Variants in TBX4 observed in about 807,000 individuals in gnomAD.
TBX4 encodes T-box transcription factor 4, also known as T-box transcription factor TBX4.
Under a neutral mutation model 54.6 loss-of-function variants are expected in TBX4, and 13 were observed. The ratio of observed to expected loss-of-function variants is 0.24; its 90% CI spans 0.15 to 0.38. The LOEUF is 0.38. TBX4 is among the 10% of genes least tolerant of loss of function. The probability of loss-of-function intolerance (pLI) is 1.00; values close to 1 mark genes in which losing one functional copy is unlikely to be tolerated. For missense variants in TBX4, 631 were observed against 728.5 expected, an observed-to-expected ratio of 0.87 and a Z score of 1.54; for synonymous variants, 314 against 306.7, an observed-to-expected ratio of 1.02 and a Z score of -0.25.
chr17:61,469,666 C>T (rs570958572), intron 5 of TBX4, among the ~76,000 whole-genome samples: 24 of 152,204 alleles, frequency 1.6e-4, no homozygotes, highest in Admixed American at 2.0e-4. Flanking sequence ...ACCCAGGGCT[C>T]TCGCTGCGGT....
chr17:61,464,973 T>C lies in TBX4; in HGVS notation c.282-846T>C, dbSNP rs2060524388. The stretch of plus-strand genomic sequence containing the variant: ...GAGGGAGGAGTGCAGCAGGGGTCCG[T>C]GGTAATTCACGCAGCAATCTATGAG... On this transcript the variant is annotated intron_variant, in intron 3 of 8. Coordinates refer to ENST00000644296, the MANE Select transcript of TBX4 (RefSeq NM_001321120.2). The surrounding 1 kb of genome is among the most constrained non-coding windows in gnomAD (Gnocchi z 5.8). Among the ~76,000 whole-genome samples, 1 of 152,150 alleles carries C rather than the reference T, an allele frequency of 6.6e-6. No individual in the cohort carries two copies. The highest frequency in any genetic ancestry group is 2.4e-5 in the African/African-American group (1 of 41,418).
chr17:61,469,684 C>T (rs2143830776), intron 5 of TBX4, among the ~76,000 whole-genome samples: 1 of 152,326 alleles, frequency 6.6e-6, no homozygotes, highest in South Asian at 2.1e-4. Context: ...GGTATCTTCA[C>T]CTATTTAGAG....
Position 61,483,214 on chromosome 17 carries a change from T to G in TBX4, c.1339T>G (p.Phe447Val), listed in dbSNP as rs1176027577. The G allele has an allele frequency of 6.2e-7, 1 of 1,614,006 alleles. No homozygotes were observed. The highest frequency in any genetic ancestry group is 8.5e-7 in the Non-Finnish European group (1 of 1,180,026). Residue 447 changes from phenylalanine to valine, a missense_variant, in exon 9 of 9, where the codon TTC (phenylalanine) becomes GTC (valine). Transcript: ENST00000644296. This position sits in a 1 kb window ranked among gnomAD's most constrained non-coding sequence, Gnocchi z 6.6. The part of the protein sequence containing the change: ...TVPYQPFPTH[F>V]TATTMMPRLP... ...GCCGTACCAGCCCTTCCCCACGCAC[T>G]TCACCGCCACCACCATGATGCCGCG...
At chr17:61,482,490 C>T (rs2060670210) in intron 8 of TBX4, among the ~76,000 whole-genome samples, 1 of 152,262 alleles carries the variant, frequency 6.6e-6, no homozygotes, top group South Asian at 2.1e-4. Flanking sequence ...CTGGCTACTT[C>T]AGACAGATGT....
At position 61,459,317 on chromosome 17, in the gene TBX4, A is replaced by T. The variant is rs1483979783; in HGVS notation, c.281+1686A>T. The stretch of plus-strand genomic sequence containing the variant: ...TCCCTTCCTTTTCTATCACTGTGAA[A>T]CTCAAACCAGGGAATCACGTGGATG... On this transcript the variant is annotated intron_variant, in intron 3 of 8. Coordinates refer to ENST00000644296, the MANE Select transcript of TBX4 (RefSeq NM_001321120.2). The surrounding 1 kb of genome is among the most constrained non-coding windows in gnomAD (Gnocchi z 4.8). Among the ~76,000 whole-genome samples the T allele has an allele frequency of 5.3e-5, 8 of 152,240 alleles. No homozygotes were observed. Among genetic ancestry groups the T allele is most frequent in the African/African-American group, 1.9e-4 (8 of 41,530 alleles).
rs1217117884 is a variant in TBX4, at chr17:61,461,369, A to T, written c.281+3738A>T. Among the ~76,000 whole-genome samples, 1 of 152,222 alleles carries T rather than the reference A, an allele frequency of 6.6e-6. No individual in the cohort carries two copies. Among genetic ancestry groups the T allele is most frequent in the Non-Finnish European group, 1.5e-5 (1 of 68,032 alleles). ...GCTACAGAAGGCTTGGTCTCAGTGT[A>T]GGTGGCACCAGCAGCCCCACTCCTA... is the stretch of plus-strand genomic sequence containing the variant. On this transcript the variant is annotated intron_variant, in intron 3 of 8. Transcript: ENST00000644296. This position sits in a 1 kb window ranked among gnomAD's most constrained non-coding sequence, Gnocchi z 5.1.
rs764541165 is a variant in TBX4 at position 61,460,444 on chromosome 17, C to T, written c.281+2813C>T. On this transcript the variant is annotated intron_variant, in intron 3 of 8. Coordinates refer to ENST00000644296, the MANE Select transcript of TBX4 (RefSeq NM_001321120.2). The surrounding 1 kb of genome is among the most constrained non-coding windows in gnomAD (Gnocchi z 4.4). The stretch of plus-strand genomic sequence containing the variant: ...GGTTGACAGAGAGAAGAATCCCTTT[C>T]ACTGGATAGTGACTTTGAACTGCCA... Among the ~76,000 whole-genome samples the T allele has an allele frequency of 6.6e-6, 1 of 152,198 alleles. No individual in the cohort carries two copies. The highest frequency in any genetic ancestry group is 1.5e-5 in the Non-Finnish European group (1 of 68,044).
rs572431063 is a variant in TBX4 at position 61,460,617 on chromosome 17, C to T, written c.281+2986C>T. On this transcript the variant is annotated intron_variant, in intron 3 of 8. Transcript: ENST00000644296. This position sits in a 1 kb window ranked among gnomAD's most constrained non-coding sequence, Gnocchi z 4.4. ...CTTGGGTCTCTGTGTCCAGAGGGTT[C>T]GTGCTGATAGCCGCAGACAGCAGAT... 5.9e-5 allele frequency among the ~76,000 whole-genome samples: 9 copies of T among 152,290 alleles called. No homozygotes were observed. In the South Asian group the frequency reaches 1.5e-3, roughly 25 times the overall value.
In TBX4 at chr17:61,483,522, A is replaced by C; in HGVS notation, c.*6A>C. 6.2e-7 allele frequency: 1 copy of C among 1,613,840 alleles called. No individual in the cohort carries two copies. The highest frequency in any genetic ancestry group is 8.5e-7 in the Non-Finnish European group (1 of 1,179,982). On this transcript the variant is annotated 3_prime_UTR_variant, in exon 9 of 9. Transcript: ENST00000644296. The surrounding 1 kb of genome is among the most constrained non-coding windows in gnomAD (Gnocchi z 6.6). ...AGAACTGGACTGACGGATGACTCTC[A>C]CGTCTCCTCCATAGCCCCGGGACCG...
In TBX4 at chr17:61,456,461, G is replaced by A. The variant is rs1281668648; in HGVS notation, c.-3-27G>A. 4 of 1,555,800 alleles carry A rather than the reference G, an allele frequency of 2.6e-6. No individual in the cohort carries two copies. In the African/African-American group the frequency reaches 5.4e-5, roughly 21 times the overall value. ...CTCTGGCGAGTGTGGACCTGGGCGA[G>A]TGACTCGTTGTGTGCTGTGCCCGCA... On this transcript the variant is annotated intron_variant, in intron 1 of 8. Transcript: ENST00000644296.
chr17:61,472,655 G>A lies in TBX4; in HGVS notation c.549+4998G>A, dbSNP rs1226196770. Among the ~76,000 whole-genome samples the A allele has an allele frequency of 6.6e-6, 1 of 152,130 alleles. No individual in the cohort carries two copies. Among genetic ancestry groups the A allele is most frequent in the Non-Finnish European group, 1.5e-5 (1 of 68,008 alleles). ...CTTTTCCTTATAGATTTTGGATTTT[G>A]AGTTATTGAAAGCCCTAACCCCCCT... On this transcript the variant is annotated intron_variant, in intron 5 of 8. Transcript: ENST00000644296. The surrounding 1 kb of genome is among the most constrained non-coding windows in gnomAD (Gnocchi z 4.5).
intron 4 of TBX4, among the ~76,000 whole-genome samples, chr17:61,466,935 G>A (rs2060541453): frequency 6.6e-6 from 1 of 152,158 alleles, no homozygotes; most frequent in Non-Finnish European, 1.5e-5. Context: ...GCAGGAGGAT[G>A]ACTTGAAGGT....
intron 1 of TBX4, among the ~76,000 whole-genome samples, chr17:61,453,293 A>T (rs191430069): frequency 6.6e-6 from 1 of 152,222 alleles, no homozygotes; most frequent in Non-Finnish European, 1.5e-5. Flanking sequence ...CTAATATAAC[A>T]TATAGTAATA....
Position 61,479,798 on chromosome 17 carries a change from GT to G in TBX4, c.703-81del. On this transcript the variant is annotated intron_variant, in intron 6 of 8. Transcript: ENST00000644296. The surrounding 1 kb of genome is among the most constrained non-coding windows in gnomAD (Gnocchi z 6.1). ...GACCCCTGAGGGAGGGAGGTTACAT[GT>G]TATGATCCCATTTACAAATGTGGAA... The G allele has an allele frequency of 7.1e-7, 1 of 1,405,888 alleles. No individual in the cohort carries two copies. The highest frequency in any genetic ancestry group is 1.0e-6 in the Non-Finnish European group (1 of 990,584). 87.1% of individuals were successfully genotyped at this position (1,405,888 alleles called of 1,614,324 possible). A position where few individuals can be genotyped will look rare whatever the true frequency, so the allele number is the denominator to read the frequency against.
intron 1 of TBX4, among the ~76,000 whole-genome samples, chr17:61,453,741 G>C (rs150765741): frequency 3.5e-4 from 54 of 152,332 alleles, no homozygotes; most frequent in African/African-American, 1.2e-3. Flanking sequence ...ACAAGATACT[G>C]TCGGGGTGTG....
At chr17:61,467,798 G>C in intron 5 of TBX4, 141 bp downstream of exon 5, 1 of 1,078,474 alleles carries the variant, frequency 9.3e-7, no homozygotes, top group Non-Finnish European at 1.3e-6. Flanking sequence ...TAGGGAAGGA[G>C]CTCAAGCCTC....
rs2060640877 is a variant in TBX4 at position 61,478,799 on chromosome 17, G to A, written c.702+20G>A. On this transcript the variant is annotated intron_variant, in intron 6 of 8. Coordinates refer to ENST00000644296, the MANE Select transcript of TBX4 (RefSeq NM_001321120.2). This position sits in a 1 kb window ranked among gnomAD's most constrained non-coding sequence, Gnocchi z 7.4. ...CACAAGGTACAGCCACTGCCCCACT[G>A]CCCCACAGCCCCACTTAACACCACC... is the stretch of plus-strand genomic sequence containing the variant. 1 of 1,613,900 alleles carries A rather than the reference G, an allele frequency of 6.2e-7. No homozygotes were observed. Among genetic ancestry groups the A allele is most frequent in the African/African-American group, 1.3e-5 (1 of 74,874 alleles).
At chr17:61,477,941 C>CAAAAAAAAAAAA (rs10617980) in intron 5 of TBX4, among the ~76,000 whole-genome samples, 15 of 88,496 alleles carry the variant, frequency 1.7e-4, no homozygotes, top group South Asian at 4.1e-4. Context: ...GATTCCATCT[C>CAAAAAAAAAAAA]AAAAAAAAAA....
rs1002483037 is a variant in TBX4 at position 61,479,206 on chromosome 17, C to T, written c.702+427C>T. 6.6e-6 allele frequency among the ~76,000 whole-genome samples: 1 copy of T among 152,106 alleles called. No individual in the cohort carries two copies. Among genetic ancestry groups the T allele is most frequent in the African/African-American group, 2.4e-5 (1 of 41,416 alleles). On this transcript the variant is annotated intron_variant, in intron 6 of 8. Transcript: ENST00000644296. This position sits in a 1 kb window ranked among gnomAD's most constrained non-coding sequence, Gnocchi z 6.1. ...CTGGGGTGTGGAAGCAGAGCCTGAG[C>T]GGAGGCCCTTCCCAGGCTGTGATAG... is the stretch of plus-strand genomic sequence containing the variant.
Sources: gnomAD v4.1 joint callset for allele counts (sites outside exome capture counted in the v4.1 genomes callset) on GRCh38, gnomAD v4.1.1 for gene constraint, Gnocchi (gnomAD v3.1) non-coding constraint, MANE v1.5 for transcripts, NCBI Gene and HGNC (gene_info 2026-07-23, HGNC 2026-07-21) for gene names.